REEP3: variants seen among roughly 807,000 people sequenced by gnomAD.
REEP3 encodes receptor expression-enhancing protein 3.
REEP3 carries 20 observed loss-of-function variants against 41.3 expected under a neutral mutation model. The ratio of observed to expected loss-of-function variants is 0.48; its 90% CI spans 0.34 to 0.70. The LOEUF (loss-of-function observed/expected upper bound fraction) is 0.70, where lower values mean the gene tolerates loss of function less well. Ranked by LOEUF, REEP3 falls within the 30% of genes least tolerant of loss-of-function variation. REEP3 has a pLI of 0.01. For synonymous variants in REEP3, 104 were observed against 101.8 expected, an observed-to-expected ratio of 1.02 and a Z score of -0.13; for missense variants, 271 against 308.8, an observed-to-expected ratio of 0.88 and a Z score of 0.92.
At chr10:63,554,780 T>C (rs751322411) in intron 1 of REEP3, among the ~76,000 whole-genome samples, 20 of 152,194 alleles carry the variant, frequency 1.3e-4, no homozygotes, top group Non-Finnish European at 1.3e-4. Context: ...CTATGAGCCA[T>C]TCTGTGGTAC....
chr10:63,600,283 T>C (rs1172021042), intron 5 of REEP3, among the ~76,000 whole-genome samples: 1 of 152,170 alleles, frequency 6.6e-6, no homozygotes, highest in African/African-American at 2.4e-5. Context: ...TTGACTCAAG[T>C]ATCAAAATGA....
chr10:63,538,844 G>A (rs1378152515), intron 1 of REEP3, among the ~76,000 whole-genome samples: 1 of 152,210 alleles, frequency 6.6e-6, no homozygotes, highest in Non-Finnish European at 1.5e-5. Flanking sequence ...ATCTGGCTAA[G>A]ACATCTGTCA....
intron 7 of REEP3, among the ~76,000 whole-genome samples, chr10:63,620,582 T>C (rs1341160106): frequency 6.6e-6 from 1 of 152,214 alleles, no homozygotes; most frequent in African/African-American, 2.4e-5. Context: ...ACATAAATAA[T>C]AGGATTAATG....
chr10:63,592,536 A>G (rs551464795), intron 2 of REEP3, among the ~76,000 whole-genome samples: 2 of 152,290 alleles, frequency 1.3e-5, no homozygotes, highest in South Asian at 4.1e-4. Flanking sequence ...TTCAGTTTGT[A>G]GTCATTTTTT....
At chr10:63,591,149 A>T (rs1378117132) in intron 2 of REEP3, among the ~76,000 whole-genome samples, 2 of 143,028 alleles carry the variant, frequency 1.4e-5, no homozygotes, top group African/African-American at 2.6e-5. Flanking sequence ...TTTGACCTTG[A>T]CTTCTTTCTG....
At chr10:63,598,881 CAGGAGTTT>C (rs1220905814) in intron 4 of REEP3, among the ~76,000 whole-genome samples, 3 of 151,844 alleles carry the variant, frequency 2.0e-5, no homozygotes, top group African/African-American at 7.3e-5. Context: ...TGCTTGAGCC[CAGGAGTTT>C]GAGACCAGCC....
intron 1 of REEP3, among the ~76,000 whole-genome samples, chr10:63,538,338 A>T (rs1955494582): frequency 6.6e-6 from 1 of 152,226 alleles, no homozygotes; most frequent in African/African-American, 2.4e-5. Context: ...CAGAATCTGG[A>T]TGGTTCTAAA....
At chr10:63,557,254 C>T (rs1378340934) in intron 1 of REEP3, among the ~76,000 whole-genome samples, 2 of 152,098 alleles carry the variant, frequency 1.3e-5, no homozygotes, top group African/African-American at 2.4e-5. Context: ...GCACACAGCA[C>T]ACTTAGTATT....
chr10:63,521,429 C>T lies in REEP3; in HGVS notation c.-117C>T. On this transcript the variant is annotated 5_prime_UTR_variant, in exon 1 of 8. Coordinates refer to ENST00000373758, the MANE Select transcript of REEP3 (RefSeq NM_001001330.3). ...CACCGGGCCCGGCTCCTGAGGGCGCCAGCGCGGCCCCGGGGAGCGCGAGGA... is the reference window on the plus strand; with the variant it reads ...CACCGGGCCCGGCTCCTGAGGGCGCTAGCGCGGCCCCGGGGAGCGCGAGGA... 4.6e-6 allele frequency: 2 copies of T among 430,496 alleles called. No individual in the cohort carries two copies. Among genetic ancestry groups the T allele is most frequent in the East Asian group, 7.6e-5 (1 of 13,076 alleles). 26.7% of individuals were successfully genotyped at this position (430,496 alleles called of 1,614,324 possible). A position where few individuals can be genotyped will look rare whatever the true frequency, so the allele number is the denominator to read the frequency against.
intron 1 of REEP3, among the ~76,000 whole-genome samples, chr10:63,559,446 T>C (rs1304495413): frequency 1.3e-5 from 2 of 152,196 alleles, no homozygotes; most frequent in Non-Finnish European, 2.9e-5. Flanking sequence ...AAATGGATAT[T>C]TTCATACATT....
chr10:63,604,923 C>G (rs889113139), intron 5 of REEP3, among the ~76,000 whole-genome samples: 1 of 152,118 alleles, frequency 6.6e-6, no homozygotes, highest in Non-Finnish European at 1.5e-5. Context: ...AACAGTGGTT[C>G]TCAACTAGAG....
intron 1 of REEP3, chr10:63,562,510 A>G (rs1428431625): frequency 4.4e-6 from 2 of 454,264 alleles, no homozygotes; most frequent in Non-Finnish European, 8.8e-6. Context: ...ATCCCCCTCA[A>G]CCTCCCAAGG....
intron 1 of REEP3, among the ~76,000 whole-genome samples, chr10:63,541,171 C>T (rs1955524701): frequency 1.3e-5 from 2 of 152,156 alleles, no homozygotes; most frequent in Admixed American, 1.3e-4. Flanking sequence ...TCTAATTCAT[C>T]TTCCCTCAGA....
At chr10:63,618,704 C>T (rs1316094511) in intron 6 of REEP3, among the ~76,000 whole-genome samples, 1 of 152,224 alleles carries the variant, frequency 6.6e-6, no homozygotes, top group African/African-American at 2.4e-5. Flanking sequence ...TACCTGGGAA[C>T]TTGTCAGAAA....
chr10:63,575,443 G>A (rs1955890138), intron 2 of REEP3, among the ~76,000 whole-genome samples: 1 of 152,124 alleles, frequency 6.6e-6, no homozygotes, highest in African/African-American at 2.4e-5. Context: ...CTTCAGCTCT[G>A]AGAAATTTAG....
chr10:63,521,556 G>A lies in REEP3; in HGVS notation c.11G>A (p.Trp4Ter). 1 of 1,437,822 alleles carries A rather than the reference G, an allele frequency of 7.0e-7. No homozygotes were observed. Among genetic ancestry groups the A allele is most frequent in the African/African-American group, 1.5e-5 (1 of 68,082 alleles). 89.1% of individuals were successfully genotyped at this position (1,437,822 alleles called of 1,614,324 possible). The change falls in exon 1 of 8, where the codon TGG becomes TAG. Residue 4 changes from tryptophan (W) to a stop codon, truncating the protein, a stop_gained. Coordinates refer to ENST00000373758, the MANE Select transcript of REEP3 (RefSeq NM_001001330.3). LOFTEE classifies it high-confidence loss of function. ...CAAGCCCCCGTGAAGATGGTGTCCT[G>A]GATGATCTCCAGAGCCGTGGTGTAA... MVS[W>*]MISRAVVLVF... is the part of the protein sequence containing the mutation.
intron 1 of REEP3, among the ~76,000 whole-genome samples, chr10:63,548,239 A>G (rs1361586698): frequency 6.6e-6 from 1 of 152,214 alleles, no homozygotes; most frequent in East Asian, 1.9e-4. Flanking sequence ...GTGGGTGGCA[A>G]CATTATGTAA....
chr10:63,529,950 T>C (rs967445286), intron 1 of REEP3, among the ~76,000 whole-genome samples: 1 of 152,136 alleles, frequency 6.6e-6, no homozygotes, highest in Non-Finnish European at 1.5e-5. Context: ...TGCTAATTTC[T>C]GTATTTTTAG....
chr10:63,612,304 TG>T (rs1217505070), intron 6 of REEP3, among the ~76,000 whole-genome samples: 2 of 152,200 alleles, frequency 1.3e-5, no homozygotes, highest in East Asian at 3.9e-4. Context: ...TCCGAGAAGC[TG>T]GGACTACAGG....
Sources: allele counts gnomAD v4.1 joint callset (sites outside exome capture counted in the v4.1 genomes callset), GRCh38; gene constraint gnomAD v4.1.1; transcripts MANE v1.5; gene names NCBI Gene and HGNC (gene_info 2026-07-23, HGNC 2026-07-21).